The following SPRED2 variants were observed in gnomAD, a reference collection of about 807,000 sequenced individuals.
The protein encoded by SPRED2 is sprouty related EVH1 domain containing 2, also known as sprouty-related, EVH1 domain-containing protein 2.
SPRED2 carries 47 observed loss-of-function variants against 43.0 expected under a neutral mutation model. The observed-to-expected ratio is 1.09, with a 90% confidence interval of 0.87 to 1.40. SPRED2 has a LOEUF of 1.40. Ranked by LOEUF, SPRED2 falls within the 40% of genes most tolerant of loss-of-function variation. SPRED2 has a pLI of 0.00. For missense variants in SPRED2, 561 were observed against 586.4 expected (o/e 0.96, Z 0.45); for synonymous variants, 225 against 225.7 (o/e 1.00, Z 0.03).
Position 65,311,217 on chromosome 2 carries a change from G to T in SPRED2, c.*2284C>A. The T allele has an allele frequency of 1.0e-6, 1 of 985,854 alleles. No individual in the cohort carries two copies. Among genetic ancestry groups the T allele is most frequent in the Non-Finnish European group, 1.2e-6 (1 of 829,922 alleles). The allele number at this position is 985,854 out of a possible 1,614,324, so 61.1% of individuals were successfully genotyped here. ...TGACGTCAGTATGGCAAAGCTGACT[G>T]GGAAAATACTACACACTGTTCAGCT... On this transcript the variant is annotated 3_prime_UTR_variant, in exon 6 of 6. Transcript: ENST00000356388.
chr2:65,405,517 A>C (rs949761471), intron 1 of SPRED2, among the ~76,000 whole-genome samples: 5 of 152,162 alleles, frequency 3.3e-5, no homozygotes, highest in African/African-American at 1.2e-4. Flanking sequence ...TTACAAATGC[A>C]AATAACTGTG....
intron 1 of SPRED2, among the ~76,000 whole-genome samples, chr2:65,422,015 G>A (rs749170879): frequency 1.3e-5 from 2 of 151,882 alleles, no homozygotes; most frequent in Non-Finnish European, 2.9e-5. Flanking sequence ...CCTGTGGTAT[G>A]TGGACACTTG....
At chr2:65,323,185 G>A (rs953702786) in intron 4 of SPRED2, among the ~76,000 whole-genome samples, 8 of 152,144 alleles carry the variant, frequency 5.3e-5, no homozygotes, top group African/African-American at 1.7e-4. Context: ...AGTAGAGACA[G>A]GGTTTCGCCA....
chr2:65,376,905 G>A (rs552191325), intron 1 of SPRED2, among the ~76,000 whole-genome samples: 7 of 152,108 alleles, frequency 4.6e-5, no homozygotes, highest in East Asian at 1.9e-4. Flanking sequence ...TAGTAGAGAC[G>A]GGGTTTCACC....
At chr2:65,362,498 C>T (rs1674843238) in intron 1 of SPRED2, among the ~76,000 whole-genome samples, 1 of 152,024 alleles carries the variant, frequency 6.6e-6, no homozygotes, top group Admixed American at 6.5e-5. Context: ...TCTCGATCTC[C>T]TGACCTGGTG....
chr2:65,331,483 AC>A (rs1234841871), intron 4 of SPRED2, among the ~76,000 whole-genome samples: 1 of 152,138 alleles, frequency 6.6e-6, no homozygotes, highest in Non-Finnish European at 1.5e-5. Context: ...CTTGGGCCTA[AC>A]CTTAAGTCAG....
At chr2:65,430,942 C>T (rs1676668750) in intron 1 of SPRED2, among the ~76,000 whole-genome samples, 2 of 152,142 alleles carry the variant, frequency 1.3e-5, no homozygotes, top group Admixed American at 6.5e-5. Flanking sequence ...ACCGCTCAAA[C>T]CCCAGGCATA....
chr2:65,354,202 T>C (rs1477444575), intron 1 of SPRED2, among the ~76,000 whole-genome samples: 1 of 152,192 alleles, frequency 6.6e-6, no homozygotes, highest in Non-Finnish European at 1.5e-5. Context: ...TCTGGTAAGC[T>C]TGAAAAACCT....
intron 3 of SPRED2, chr2:65,334,080 G>T: frequency 2.6e-6 from 1 of 388,568 alleles, no homozygotes. Context: ...TCCAGGCCAC[G>T]ATCAGATGTA....
chr2:65,334,953 C>T (rs1036456937), intron 2 of SPRED2, among the ~76,000 whole-genome samples, 180 bp from the exon 3 acceptor site: 8 of 152,186 alleles, frequency 5.3e-5, no homozygotes, highest in South Asian at 2.1e-4. Context: ...GCTGACCATC[C>T]GATCTTCGCT....
At chr2:65,329,598 T>C (rs1288791136) in intron 4 of SPRED2, among the ~76,000 whole-genome samples, 1 of 152,132 alleles carries the variant, frequency 6.6e-6, no homozygotes, top group African/African-American at 2.4e-5. Flanking sequence ...CCCCCGTGGA[T>C]TAAAGGACAA....
intron 1 of SPRED2, 108 bp from the exon 2 acceptor site, chr2:65,345,004 G>C: frequency 8.9e-7 from 1 of 1,119,004 alleles, no homozygotes; most frequent in Non-Finnish European, 1.2e-6. Context: ...TTGTTTTATC[G>C]AAAGAAATCT....
chr2:65,309,743 G>A (rs144384537), downstream of SPRED2, among the ~76,000 whole-genome samples: 31 of 152,300 alleles, frequency 2.0e-4, no homozygotes, highest in Middle Eastern at 3.4e-3. Context: ...TTGGTGGTAT[G>A]CCCAGTTCCG....
chr2:65,419,658 C>T (rs902186073), intron 1 of SPRED2, among the ~76,000 whole-genome samples: 18 of 151,898 alleles, frequency 1.2e-4, no homozygotes, highest in Admixed American at 7.2e-4. Flanking sequence ...GCCAAACATC[C>T]ACTGTGAATT....
chr2:65,412,993 C>T (rs1317688354), intron 1 of SPRED2, among the ~76,000 whole-genome samples: 1 of 152,170 alleles, frequency 6.6e-6, no homozygotes, highest in Non-Finnish European at 1.5e-5. Context: ...ACCTTCTTCC[C>T]CACCAAAGAA....
intron 1 of SPRED2, chr2:65,380,537 T>C (rs1228680524): frequency 6.6e-6 from 1 of 152,220 alleles, no homozygotes; most frequent in Non-Finnish European, 1.5e-5. Flanking sequence ...ATTTTTAAAA[T>C]TTCAGTGGCT....
intron 1 of SPRED2, among the ~76,000 whole-genome samples, chr2:65,418,233 T>G (rs1470943758): frequency 6.6e-6 from 1 of 152,240 alleles, no homozygotes; most frequent in Non-Finnish European, 1.5e-5. Context: ...AGCTCTGTTC[T>G]ACTCAAAGAA....
intron 1 of SPRED2, among the ~76,000 whole-genome samples, chr2:65,420,856 G>A (rs534698832): frequency 6.6e-6 from 1 of 152,190 alleles, no homozygotes; most frequent in South Asian, 2.1e-4. Context: ...AAATCCCCAA[G>A]CAGTCACATT....
intron 1 of SPRED2, among the ~76,000 whole-genome samples, chr2:65,385,263 C>T (rs367543352): frequency 1.1e-4 from 16 of 152,322 alleles, no homozygotes; most frequent in Middle Eastern, 3.4e-3. Flanking sequence ...TGAGCCACCA[C>T]GCCCGGCCTG....
Sources: allele counts gnomAD v4.1 joint callset (sites outside exome capture counted in the v4.1 genomes callset), GRCh38; gene constraint gnomAD v4.1.1; transcripts MANE v1.5; gene names NCBI Gene and HGNC (gene_info 2026-07-23, HGNC 2026-07-21).